AOPEP: variants seen among roughly 807,000 people sequenced by gnomAD.
The protein encoded by AOPEP is aminopeptidase O.
Under a neutral mutation model 98.1 loss-of-function variants are expected in AOPEP, and 77 were observed. The ratio of observed to expected loss-of-function variants is 0.78; its 90% confidence interval spans 0.65 to 0.95. AOPEP has a LOEUF of 0.95. Ranked by LOEUF, AOPEP falls within the 40% of genes least tolerant of loss-of-function variation. AOPEP has a pLI of 0.00. For synonymous variants in AOPEP, 346 were observed against 365.3 expected (o/e 0.95, Z 0.60); for missense variants, 1,024 against 1,024.7 (o/e 1.00, Z 0.01).
At chr9:94,917,111 A>C (rs2052942365) in intron 5 of AOPEP, among the ~76,000 whole-genome samples, 1 of 151,294 alleles carries the variant, frequency 6.6e-6, no homozygotes, top group Non-Finnish European at 1.5e-5. Context: ...GGTGAGGCCA[A>C]CTCCTGAGAG....
the AOPEP span, among the ~76,000 whole-genome samples, chr9:95,122,524 AT>A: frequency 2.0e-5 from 3 of 152,126 alleles, no homozygotes; most frequent in Non-Finnish European, 4.4e-5. Context: ...AGGGTGGTGA[AT>A]TCCTGTTTGT....
At chr9:95,077,710 GA>G (rs1162028408) in intron 14 of AOPEP, among the ~76,000 whole-genome samples, 1 of 152,122 alleles carries the variant, frequency 6.6e-6, no homozygotes, top group Non-Finnish European at 1.5e-5. Flanking sequence ...TCACGACCTT[GA>G]AGCCCCTCGG....
At chr9:95,088,907 C>G (rs938779310), downstream of AOPEP, among the ~76,000 whole-genome samples, 2 of 152,210 alleles carry the variant, frequency 1.3e-5, no homozygotes, top group Non-Finnish European at 2.9e-5. Context: ...ACATTGCTGT[C>G]ACGGATTTGA....
chr9:94,855,742 GC>G (rs1172977413), intron 5 of AOPEP, among the ~76,000 whole-genome samples: 1 of 152,130 alleles, frequency 6.6e-6, no homozygotes. Flanking sequence ...TTTTTAATTT[GC>G]CTAGAACTGG....
chr9:94,912,061 G>A (rs1427347772), intron 5 of AOPEP, among the ~76,000 whole-genome samples: 18 of 152,074 alleles, frequency 1.2e-4, no homozygotes, highest in Admixed American at 9.2e-4. Flanking sequence ...ACCTGTGTCC[G>A]ACTTCTGACC....
Position 95,083,066 on chromosome 9 carries a change from G to A in AOPEP, c.*4+347G>A, listed in dbSNP as rs1424306617. ...CTTGAGTAGGTTTAGAGATGGAATGGGAAGCCTGGCAGAAGCGCTGGTCCA... is the reference window on the plus strand; with the variant it reads ...CTTGAGTAGGTTTAGAGATGGAATGAGAAGCCTGGCAGAAGCGCTGGTCCA... On this transcript the variant is annotated intron_variant, in intron 16 of 16. Coordinates refer to ENST00000375315, the MANE Select transcript of AOPEP (RefSeq NM_001193329.3). 1.3e-5 allele frequency: 3 copies of A among 228,458 alleles called. No individual in the cohort carries two copies. The Admixed American group carries it at 1.6e-4, about 12-fold the overall frequency. 14.2% of individuals were successfully genotyped at this position (228,458 alleles called of 1,614,324 possible). A position where few individuals can be genotyped will look rare whatever the true frequency, so the allele number is the denominator to read the frequency against.
intron 11 of AOPEP, among the ~76,000 whole-genome samples, chr9:94,996,786 A>G (rs2061272274): frequency 6.6e-6 from 1 of 152,096 alleles, no homozygotes; most frequent in South Asian, 2.1e-4. Flanking sequence ...GCAGCAATAT[A>G]TGTGTGTGTG....
At chr9:95,138,577 C>T in the AOPEP span, among the ~76,000 whole-genome samples, 8 of 152,226 alleles carry the variant, frequency 5.3e-5, no homozygotes, top group Non-Finnish European at 8.8e-5. Flanking sequence ...TTCCTCATGC[C>T]TTATCTTTTT....
intron 14 of AOPEP, 109 bp from the exon 15 acceptor site, chr9:95,080,585 C>A: frequency 1.4e-6 from 1 of 713,432 alleles, no homozygotes. Flanking sequence ...CAATGCCAGC[C>A]CATTTGAGAG....
the AOPEP span, among the ~76,000 whole-genome samples, chr9:95,117,145 C>G: frequency 6.6e-6 from 1 of 152,180 alleles, no homozygotes; most frequent in Non-Finnish European, 1.5e-5. Flanking sequence ...CAAGCAGACT[C>G]TCATATCAAA....
At chr9:95,147,250 G>C in the AOPEP span, among the ~76,000 whole-genome samples, 1 of 152,168 alleles carries the variant, frequency 6.6e-6, no homozygotes, top group Non-Finnish European at 1.5e-5. Flanking sequence ...TGGCGCAGTG[G>C]CTCACGCCTG....
At chr9:95,006,548 A>T (rs2062034498) in intron 13 of AOPEP, among the ~76,000 whole-genome samples, 1 of 152,174 alleles carries the variant, frequency 6.6e-6, no homozygotes, top group South Asian at 2.1e-4. Context: ...TGCAGAGTGC[A>T]CGTCAGGATA....
intron 1 of AOPEP, among the ~76,000 whole-genome samples, chr9:94,749,575 T>C (rs569144069): frequency 1.3e-5 from 2 of 152,346 alleles, no homozygotes; most frequent in South Asian, 4.1e-4. Context: ...TTCACGTTTT[T>C]CTGTTCTTTA....
At position 94,849,058 on chromosome 9, in the gene AOPEP, C is replaced by T. The variant is rs144332525; in HGVS notation, c.1364+48056C>T. 1.3e-4 allele frequency among the ~76,000 whole-genome samples: 20 copies of T among 152,278 alleles called. No homozygotes were observed. In the East Asian group the frequency reaches 3.3e-3, roughly 25 times the overall value. On this transcript the variant is annotated intron_variant, in intron 5 of 16. Coordinates refer to ENST00000375315, the MANE Select transcript of AOPEP (RefSeq NM_001193329.3). ...CCTCCCAAAATGCTGGGATTAGAGGCGTGAGCCACCACACCCGGCCAAGTC... is the reference window on the plus strand; with the variant it reads ...CCTCCCAAAATGCTGGGATTAGAGGTGTGAGCCACCACACCCGGCCAAGTC...
the AOPEP span, among the ~76,000 whole-genome samples, chr9:95,134,639 G>A: frequency 1.3e-5 from 2 of 152,246 alleles, no homozygotes; most frequent in Non-Finnish European, 2.9e-5. Context: ...TTTTCAGGGT[G>A]CCTTGGTCTT....
chr9:95,139,853 A>AAAT, the AOPEP span, among the ~76,000 whole-genome samples: 1 of 144,424 alleles, frequency 6.9e-6, no homozygotes, highest in Non-Finnish European at 1.5e-5. Flanking sequence ...TATATATATA[A>AAAT]ATATATATAT....
At chr9:94,753,042 C>T (rs1300355700) in intron 1 of AOPEP, among the ~76,000 whole-genome samples, 3 of 152,120 alleles carry the variant, frequency 2.0e-5, no homozygotes, top group Non-Finnish European at 4.4e-5. Flanking sequence ...GGGCATCAGA[C>T]CCTCCAGACA....
intron 15 of AOPEP, 58 bp downstream of exon 15, chr9:95,080,838 C>A: frequency 9.1e-7 from 1 of 1,093,388 alleles, no homozygotes; most frequent in Non-Finnish European, 1.4e-6. Flanking sequence ...GCACTTCACA[C>A]AGGAATCCAC....
At position 94,827,946 on chromosome 9, in the gene AOPEP, C is replaced by A. The variant is rs1855008470; in HGVS notation, c.1364+26944C>A. Among the ~76,000 whole-genome samples, 2 of 152,072 alleles carry A rather than the reference C, an allele frequency of 1.3e-5. 1 individual carries two copies. The highest frequency in any genetic ancestry group is 4.2e-4 in the South Asian group (2 of 4,818). On this transcript the variant is annotated intron_variant, in intron 5 of 16. Coordinates refer to ENST00000375315, the MANE Select transcript of AOPEP (RefSeq NM_001193329.3). ...CCATTTATAAAAATCAGAAATATAA[C>A]TTGCATTTCCCGGACACAGAATAAG...
Sources: allele counts gnomAD v4.1 joint callset (sites outside exome capture counted in the v4.1 genomes callset), GRCh38; gene constraint gnomAD v4.1.1; transcripts MANE v1.5; gene names NCBI Gene and HGNC (gene_info 2026-07-23, HGNC 2026-07-21).